The following ADGRF5 variants were observed in gnomAD, a reference collection of about 807,000 sequenced individuals.
The protein encoded by ADGRF5 is adhesion G protein-coupled receptor F5.
ADGRF5 carries 75 observed loss-of-function variants against 132.3 expected under a neutral mutation model. That is an observed-to-expected ratio of 0.57 (90% CI 0.47 to 0.69). ADGRF5 has a LOEUF of 0.69. ADGRF5 is among the 30% of genes least tolerant of loss of function. The pLI, the probability that ADGRF5 is intolerant of heterozygous loss-of-function variation, is 0.00. For missense variants in ADGRF5, 1,516 were observed against 1,630.6 expected, an observed-to-expected ratio of 0.93 and a Z score of 1.21; for synonymous variants, 629 against 597.6, an observed-to-expected ratio of 1.05 and a Z score of -0.77.
At chr6:46,911,616 TA>T (rs1300654559) in intron 1 of ADGRF5, among the ~76,000 whole-genome samples, 1 of 152,198 alleles carries the variant, frequency 6.6e-6, no homozygotes, top group African/African-American at 2.4e-5. Flanking sequence ...AAATAGTCTC[TA>T]CTTCCCCTGA....
At chr6:46,901,887 G>A (rs1340095143) in intron 2 of ADGRF5, among the ~76,000 whole-genome samples, 1 of 152,068 alleles carries the variant, frequency 6.6e-6, no homozygotes, top group Non-Finnish European at 1.5e-5. Context: ...AAGATCAGAT[G>A]TCCGCAATTT....
chr6:46,919,564 G>T (rs1022164396), intron 1 of ADGRF5, among the ~76,000 whole-genome samples: 1 of 152,144 alleles, frequency 6.6e-6, no homozygotes, highest in Non-Finnish European at 1.5e-5. Context: ...ACCCCATAGC[G>T]CAGTAAGTGA....
chr6:46,913,455 C>T (rs111604432), intron 1 of ADGRF5, among the ~76,000 whole-genome samples: 74 of 151,172 alleles, frequency 4.9e-4, no homozygotes, highest in Middle Eastern at 3.4e-3. Flanking sequence ...ACCAAGATCA[C>T]GCCATTGCAC....
At chr6:46,892,901 C>T (rs567933528) in intron 3 of ADGRF5, among the ~76,000 whole-genome samples, 3 of 152,064 alleles carry the variant, frequency 2.0e-5, no homozygotes, top group African/African-American at 7.2e-5. Flanking sequence ...TTATTGAATG[C>T]CTGTTTTCTA....
chr6:46,937,420 G>A (rs549868114), intron 1 of ADGRF5, among the ~76,000 whole-genome samples: 2 of 152,170 alleles, frequency 1.3e-5, no homozygotes, highest in African/African-American at 4.8e-5. Context: ...AAGCAGAGCA[G>A]TTCAGGTCAA....
intron 10 of ADGRF5, among the ~76,000 whole-genome samples, chr6:46,872,237 ACAGT>A (rs1435840748): frequency 6.6e-6 from 1 of 152,182 alleles, no homozygotes; most frequent in African/African-American, 2.4e-5. Context: ...TATTGTTGAG[ACAGT>A]CACTTAACCA....
At chr6:46,881,929 T>C in intron 7 of ADGRF5, 120 bp downstream of exon 7, 1 of 815,568 alleles carries the variant, frequency 1.2e-6, no homozygotes, top group Non-Finnish European at 2.2e-6. Flanking sequence ...TTTTCACCTC[T>C]ACCAAACTGC....
chr6:46,879,773 G>A (rs1382828370), intron 9 of ADGRF5, 45 bp downstream of exon 9: 1 of 1,268,634 alleles, frequency 7.9e-7, no homozygotes, highest in Non-Finnish European at 1.2e-6. Context: ...TTCTTTATAA[G>A]CTCTTCATTC....
At chr6:46,870,194 A>G (rs1770898175) in intron 11 of ADGRF5, among the ~76,000 whole-genome samples, 1 of 152,042 alleles carries the variant, frequency 6.6e-6, no homozygotes. Context: ...ACAGGGTCTC[A>G]TTCTGTCACC....
Position 46,856,755 on chromosome 6 carries a change from T to A in ADGRF5, c.3839A>T (p.Lys1280Met). The change falls in exon 19 of 21, where the codon AAG becomes ATG. Residue 1280 changes from lysine (K) to methionine (M), a missense_variant. Physicochemically the swap from Lys to Met is moderately conservative, Grantham distance 95. Around this residue, in one of 2 missense-constraint regions of ADGRF5, gnomAD observed 571 missense variants for 701.2 expected, o/e 0.81. Transcript: ENST00000283296. ...TGAAGACCATCTCGACAATGAAAACTTATTCAGCAAAGCTTCCTGTACCTG... is the reference window on the plus strand; with the variant it reads ...TGAAGACCATCTCGACAATGAAAACATATTCAGCAAAGCTTCCTGTACCTG... ...DLKVQEALLN[K>M]FSLSRWSSQH... is the part of the protein sequence containing the mutation. The A allele has an allele frequency of 6.3e-7, 1 of 1,583,900 alleles. No individual in the cohort carries two copies.
intron 1 of ADGRF5, among the ~76,000 whole-genome samples, chr6:46,949,385 T>A (rs1386960202): frequency 2.6e-5 from 4 of 152,194 alleles, no homozygotes; most frequent in Non-Finnish European, 5.9e-5. Context: ...TGGTTGCTGA[T>A]GTGTATAGGG....
chr6:46,873,134 C>T (rs1220946272), intron 10 of ADGRF5, among the ~76,000 whole-genome samples: 2 of 152,046 alleles, frequency 1.3e-5, no homozygotes, highest in African/African-American at 4.8e-5. Flanking sequence ...ATCCTTTGCC[C>T]TTCCTCACCC....
intron 1 of ADGRF5, among the ~76,000 whole-genome samples, chr6:46,932,768 T>TC (rs1777617017): frequency 6.6e-6 from 1 of 152,074 alleles, no homozygotes. Flanking sequence ...CCCTACAGAG[T>TC]CATTGCTCCT....
At chr6:46,927,282 G>A (rs983072968) in intron 1 of ADGRF5, among the ~76,000 whole-genome samples, 4 of 135,406 alleles carry the variant, frequency 3.0e-5, no homozygotes, top group Non-Finnish European at 1.5e-5. Context: ...ATAAAAAAAT[G>A]TTAGAGCAAA....
At chr6:46,865,268 C>G in intron 13 of ADGRF5, 71 bp from the exon 14 acceptor site, 1 of 1,083,870 alleles carries the variant, frequency 9.2e-7, no homozygotes, top group Non-Finnish European at 1.4e-6. Context: ...GTTAAGATAA[C>G]CTAATATGAA....
At chr6:46,927,454 C>A (rs754361384) in intron 1 of ADGRF5, among the ~76,000 whole-genome samples, 11 of 152,066 alleles carry the variant, frequency 7.2e-5, no homozygotes, top group African/African-American at 2.7e-4. Flanking sequence ...GTGCTGTTAC[C>A]TTATGCTCTG....
intron 1 of ADGRF5, among the ~76,000 whole-genome samples, chr6:46,941,451 GAAAAGA>G (rs1778077268): frequency 2.1e-4 from 9 of 42,688 alleles, no homozygotes; most frequent in Non-Finnish European, 3.4e-4. Context: ...GAAAAGAAAA[GAAAAGA>G]AAAGAAAAGA....
At chr6:46,911,464 A>G (rs1016429352) in intron 1 of ADGRF5, among the ~76,000 whole-genome samples, 2 of 152,178 alleles carry the variant, frequency 1.3e-5, no homozygotes, top group African/African-American at 4.8e-5. Flanking sequence ...AAATAACCCT[A>G]TCATTTATTT....
chr6:46,942,406 A>C lies in ADGRF5; in HGVS notation c.-25+12328T>G, dbSNP rs554856988. 1.1e-4 allele frequency among the ~76,000 whole-genome samples: 16 copies of C among 152,302 alleles called. No individual in the cohort carries two copies. The South Asian group carries it at 3.3e-3, about 32-fold the overall frequency. ...CAGCACGCTATTAGAGATGCTTAAG[A>C]GGGTAAAAGCATGGGCTATGGCATG... is the stretch of plus-strand genomic sequence containing the variant. On this transcript the variant is annotated intron_variant, in intron 1 of 20. Transcript: ENST00000265417.
Sources: allele counts gnomAD v4.1 joint callset (sites outside exome capture counted in the v4.1 genomes callset), GRCh38; gene constraint gnomAD v4.1.1; regional missense constraint gnomAD v4.1.1; transcripts MANE v1.5; gene names NCBI Gene and HGNC (gene_info 2026-07-23, HGNC 2026-07-21).